The following SORCS3 variants were observed in gnomAD, a reference collection of about 807,000 sequenced individuals.
SORCS3 encodes VPS10 domain-containing receptor SorCS3.
SORCS3 carries 57 observed loss-of-function variants against 146.3 expected under a neutral mutation model. The observed-to-expected ratio is 0.39, with a 90% CI of 0.31 to 0.49. SORCS3 has a LOEUF of 0.49. SORCS3 is among the 20% of genes least tolerant of loss of function. The probability of loss-of-function intolerance (pLI) is 0.92; values close to 1 mark genes in which losing one functional copy is unlikely to be tolerated. For missense variants in SORCS3, 1,341 were observed against 1,575.5 expected (o/e 0.85, Z 2.52); for synonymous variants, 653 against 618.5 (o/e 1.06, Z -0.83).
chr10:105,041,077 A>T (rs889945630), intron 4 of SORCS3, among the ~76,000 whole-genome samples: 1 of 142,850 alleles, frequency 7.0e-6, no homozygotes, highest in Non-Finnish European at 1.5e-5. Context: ...ATATGTATGT[A>T]TGTATATATA....
intron 1 of SORCS3, among the ~76,000 whole-genome samples, chr10:104,774,896 G>A (rs186581058): frequency 2.0e-5 from 3 of 152,254 alleles, no homozygotes; most frequent in Admixed American, 1.3e-4. Flanking sequence ...CTTCACCAAC[G>A]AGCTGAGACA....
At chr10:104,790,328 G>A (rs1438414434) in intron 1 of SORCS3, among the ~76,000 whole-genome samples, 1 of 148,388 alleles carries the variant, frequency 6.7e-6, no homozygotes, top group Non-Finnish European at 1.5e-5. Flanking sequence ...AGTAAGAGAA[G>A]AGGGGAAACA....
chr10:105,009,289 TG>T (rs1332449650), intron 4 of SORCS3, among the ~76,000 whole-genome samples: 2 of 152,000 alleles, frequency 1.3e-5, no homozygotes, highest in Admixed American at 1.3e-4. Flanking sequence ...GCTTAAATTG[TG>T]GTAGAAAGAA....
At chr10:105,086,358 G>T (rs932155636) in intron 5 of SORCS3, among the ~76,000 whole-genome samples, 2 of 152,220 alleles carry the variant, frequency 1.3e-5, no homozygotes, top group African/African-American at 4.8e-5. Context: ...CAACTCAAGA[G>T]AACAACTTAA....
At chr10:104,763,279 A>G (rs911250764) in intron 1 of SORCS3, among the ~76,000 whole-genome samples, 1 of 152,180 alleles carries the variant, frequency 6.6e-6, no homozygotes, top group East Asian at 1.9e-4. Flanking sequence ...AAAACTAAAG[A>G]CAGTTATAGG....
At chr10:105,058,421 G>GA (rs1196263966) in intron 5 of SORCS3, among the ~76,000 whole-genome samples, 1 of 152,176 alleles carries the variant, frequency 6.6e-6, no homozygotes, top group Non-Finnish European at 1.5e-5. Context: ...ATGTGACAGT[G>GA]AAATAGAACA....
chr10:105,003,108 T>C (rs2055071837), intron 4 of SORCS3, among the ~76,000 whole-genome samples: 1 of 152,198 alleles, frequency 6.6e-6, no homozygotes, highest in African/African-American at 2.4e-5. Flanking sequence ...TCCATCTTTG[T>C]TATAATTCCT....
chr10:104,784,006 A>G (rs1057464721), intron 1 of SORCS3, among the ~76,000 whole-genome samples: 1 of 152,188 alleles, frequency 6.6e-6, no homozygotes, highest in South Asian at 2.1e-4. Context: ...CCTCTTGGAG[A>G]TTCACAATGC....
intron 1 of SORCS3, among the ~76,000 whole-genome samples, chr10:104,730,513 C>T (rs998124243): frequency 6.6e-6 from 1 of 152,202 alleles, no homozygotes; most frequent in Non-Finnish European, 1.5e-5. Context: ...CCAGATAGGA[C>T]ATCTCTTTTC....
intron 4 of SORCS3, among the ~76,000 whole-genome samples, chr10:104,999,657 C>T (rs572404425): frequency 6.6e-6 from 1 of 152,310 alleles, no homozygotes; most frequent in Admixed American, 6.5e-5. Flanking sequence ...CCCTGATCTA[C>T]ACCCCATCAT....
chr10:104,985,636 A>C (rs1389218640), intron 4 of SORCS3, among the ~76,000 whole-genome samples: 1 of 152,186 alleles, frequency 6.6e-6, no homozygotes, highest in Non-Finnish European at 1.5e-5. Context: ...AGTCTTATGA[A>C]ATGTATTTCT....
chr10:105,136,441 T>C (rs1428111061), intron 7 of SORCS3, among the ~76,000 whole-genome samples: 1 of 152,192 alleles, frequency 6.6e-6, no homozygotes, highest in Non-Finnish European at 1.5e-5. Flanking sequence ...GGAGTAATTT[T>C]CAACGTTCAT....
chr10:105,187,056 T>G (rs935989355), intron 14 of SORCS3, among the ~76,000 whole-genome samples: 4 of 152,164 alleles, frequency 2.6e-5, no homozygotes, highest in Admixed American at 6.5e-5. Context: ...GACCTTAAAC[T>G]TTCAAGCCCA....
intron 18 of SORCS3, among the ~76,000 whole-genome samples, chr10:105,216,218 G>A (rs1044696363): frequency 6.6e-6 from 1 of 152,152 alleles, no homozygotes; most frequent in Admixed American, 6.5e-5. Flanking sequence ...GAGAACAAGG[G>A]TATAATTTGG....
At chr10:104,752,077 C>T (rs1022390626) in intron 1 of SORCS3, among the ~76,000 whole-genome samples, 1 of 150,596 alleles carries the variant, frequency 6.6e-6, no homozygotes, top group African/African-American at 2.4e-5. Flanking sequence ...CTTTGTCACC[C>T]AGGCTGGGGT....
At chr10:104,965,848 G>A (rs2054823476) in intron 3 of SORCS3, among the ~76,000 whole-genome samples, 1 of 151,956 alleles carries the variant, frequency 6.6e-6, no homozygotes, top group South Asian at 2.1e-4. Flanking sequence ...GTGTGCTTAT[G>A]TTAAATCCTG....
At chr10:104,732,737 A>G (rs1004936621) in intron 1 of SORCS3, among the ~76,000 whole-genome samples, 1 of 152,184 alleles carries the variant, frequency 6.6e-6, no homozygotes, top group Middle Eastern at 3.2e-3. Context: ...CACCATGCTA[A>G]CAGGCAGGGA....
At chr10:104,862,540 G>C (rs532646261) in intron 2 of SORCS3, among the ~76,000 whole-genome samples, 20 of 151,476 alleles carry the variant, frequency 1.3e-4, no homozygotes, top group Non-Finnish European at 2.4e-4. Context: ...TTTTCTTCCA[G>C]TTTGTTCTCC....
At chr10:104,687,194 G>C (rs1169191548) in intron 1 of SORCS3, among the ~76,000 whole-genome samples, 2 of 152,134 alleles carry the variant, frequency 1.3e-5, no homozygotes, top group African/African-American at 2.4e-5. Flanking sequence ...GTCCACCAAG[G>C]TGGCCTTGTC....
Sources: allele counts gnomAD v4.1 joint callset (sites outside exome capture counted in the v4.1 genomes callset), GRCh38; gene constraint gnomAD v4.1.1; transcripts MANE v1.5; gene names NCBI Gene and HGNC (gene_info 2026-07-23, HGNC 2026-07-21).